The following CRYL1 variants were observed in gnomAD, a reference collection of about 807,000 sequenced individuals.
CRYL1 encodes lambda-crystallin homolog.
In CRYL1, 29 loss-of-function variants were observed where a neutral mutation model predicts 36.6. The ratio of observed to expected loss-of-function variants is 0.79; its 90% CI spans 0.59 to 1.08. CRYL1 has a LOEUF of 1.08. Among genes scored for constraint, CRYL1 ranks in the 50% least tolerant of loss-of-function variants. CRYL1 has a pLI of 0.00. For synonymous variants in CRYL1, 152 were observed against 151.5 expected, an observed-to-expected ratio of 1.00 and a Z score of -0.02; for missense variants, 411 against 407.9, an observed-to-expected ratio of 1.01 and a Z score of -0.06.
intron 3 of CRYL1, among the ~76,000 whole-genome samples, chr13:20,473,968 C>T (rs2033112927): frequency 6.6e-6 from 1 of 152,106 alleles, no homozygotes; most frequent in Non-Finnish European, 1.5e-5. Flanking sequence ...TTGAGGGTCA[C>T]CCACATGGCT....
At chr13:20,496,912 T>A (rs1051942869) in intron 2 of CRYL1, among the ~76,000 whole-genome samples, 32 of 150,210 alleles carry the variant, frequency 2.1e-4, no homozygotes, top group African/African-American at 7.4e-4. Flanking sequence ...GGACAAAATA[T>A]GCTAATTTTT....
At chr13:20,483,925 C>T (rs964575750) in intron 3 of CRYL1, among the ~76,000 whole-genome samples, 2 of 151,986 alleles carry the variant, frequency 1.3e-5, no homozygotes, top group South Asian at 2.1e-4. Context: ...CAAGTGATTC[C>T]CCTGCCTCAG....
intron 1 of CRYL1, among the ~76,000 whole-genome samples, chr13:20,524,093 A>G (rs938946999): frequency 6.6e-6 from 1 of 152,096 alleles, no homozygotes. Flanking sequence ...TCTACCTAAA[A>G]ATTTTAAAAA....
At chr13:20,410,561 C>T (rs915549826) in intron 6 of CRYL1, among the ~76,000 whole-genome samples, 1 of 151,924 alleles carries the variant, frequency 6.6e-6, no homozygotes, top group Non-Finnish European at 1.5e-5. Context: ...TAAATAAAAT[C>T]CTAATCTGTA....
intron 4 of CRYL1, among the ~76,000 whole-genome samples, chr13:20,437,638 G>A (rs2032260329): frequency 6.6e-6 from 1 of 152,064 alleles, no homozygotes; most frequent in Admixed American, 6.5e-5. Context: ...AGCAATAGTG[G>A]GATGGAAAAA....
chr13:20,506,094 A>C (rs1358734106), intron 2 of CRYL1, among the ~76,000 whole-genome samples: 5 of 152,200 alleles, frequency 3.3e-5, no homozygotes, highest in Non-Finnish European at 7.4e-5. Context: ...AAAGTCACTC[A>C]AGACTAAGAA....
Position 20,415,287 on chromosome 13 carries a change from GCCTGGGC to G in CRYL1, c.634-1907_634-1901del, listed in dbSNP as rs1020428632. Among the ~76,000 whole-genome samples, 51 of 152,262 alleles carry G rather than the reference GCCTGGGC, an allele frequency of 3.3e-4. No homozygotes were observed. Among genetic ancestry groups the G allele is most frequent in the African/African-American group, 1.2e-3 (48 of 41,570 alleles). ...CTCTGCCCTGCTGCGAGCCTGGGGC[GCCTGGGC>G]CTGGCCTCGAGGTTCCTGGGCCTCC... On this transcript the variant is annotated intron_variant, in intron 5 of 7. Coordinates refer to ENST00000298248, the MANE Select transcript of CRYL1 (RefSeq NM_015974.3). The surrounding 1 kb of genome is among the most constrained non-coding windows in gnomAD (Gnocchi z 4.1).
chr13:20,478,021 G>T (rs2033201764), intron 3 of CRYL1, among the ~76,000 whole-genome samples: 1 of 149,208 alleles, frequency 6.7e-6, no homozygotes. Flanking sequence ...GCTCCATGGT[G>T]TATTCTGTGT....
chr13:20,493,518 G>C (rs2033550581), intron 2 of CRYL1, among the ~76,000 whole-genome samples: 1 of 152,160 alleles, frequency 6.6e-6, no homozygotes, highest in Admixed American at 6.5e-5. Context: ...AAATTAGCCA[G>C]GTGAGGCTGC....
rs945199227 is a variant in CRYL1 at position 20,525,483 on chromosome 13, T to A, written c.41+271A>T. Reference sequence around the variant, plus strand: ...TCCAGGAACCGCAGGCCCCGCGGCCTGGGCGGTCAACCTCGGAACCTCCTG... The same window carrying A: ...TCCAGGAACCGCAGGCCCCGCGGCCAGGGCGGTCAACCTCGGAACCTCCTG... On this transcript the variant is annotated intron_variant, in intron 1 of 7. Coordinates refer to ENST00000298248, the MANE Select transcript of CRYL1 (RefSeq NM_015974.3). The surrounding 1 kb of genome is among the most constrained non-coding windows in gnomAD (Gnocchi z 4.3). Among the ~76,000 whole-genome samples the A allele has an allele frequency of 2.6e-5, 4 of 152,134 alleles. No individual in the cohort carries two copies. Among genetic ancestry groups the A allele is most frequent in the Non-Finnish European group, 5.9e-5 (4 of 68,016 alleles).
chr13:20,427,031 C>G, intron 5 of CRYL1: 1 of 985,524 alleles, frequency 1.0e-6, no homozygotes, highest in Non-Finnish European at 1.2e-6. Flanking sequence ...GATTCATTCC[C>G]AGGCACCTCC....
intron 3 of CRYL1, among the ~76,000 whole-genome samples, chr13:20,457,260 C>T (rs759774276): frequency 5.3e-5 from 8 of 152,132 alleles, no homozygotes; most frequent in Non-Finnish European, 1.0e-4. Flanking sequence ...CTGTTTAGAA[C>T]ACTAAAGTTA....
chr13:20,457,609 A>G (rs1443631066), intron 3 of CRYL1, among the ~76,000 whole-genome samples: 5 of 152,218 alleles, frequency 3.3e-5, no homozygotes, highest in Non-Finnish European at 5.9e-5. Context: ...TATCTCAGAA[A>G]AACAATACGA....
intron 5 of CRYL1, among the ~76,000 whole-genome samples, chr13:20,421,169 T>A (rs1312635139): frequency 2.0e-5 from 3 of 152,164 alleles, no homozygotes; most frequent in African/African-American, 7.2e-5. Context: ...GCACTTTTTC[T>A]TAGAACACTG....
intron 3 of CRYL1, among the ~76,000 whole-genome samples, chr13:20,443,868 G>A (rs1370991086): frequency 6.6e-6 from 1 of 152,206 alleles, no homozygotes; most frequent in Non-Finnish European, 1.5e-5. Context: ...AAGAGGAAAA[G>A]ACATGGTAAG....
Position 20,439,686 on chromosome 13 carries a change from A to C in CRYL1, c.345T>G (p.Asp115Glu), listed in dbSNP as rs1196702163. The C allele has an allele frequency of 5.0e-6, 8 of 1,614,018 alleles. No homozygotes were observed. The South Asian group carries it at 8.8e-5, about 18-fold the overall frequency. ...IFAQLDSIIDDRVILSSSTSC... is the reference protein window; with the variant it reads ...IFAQLDSIIDERVILSSSTSC... ...AAGTGGAACTGCTTAAGATCACTCGATCATCAATGATGGAATCTAACTGAG... is the reference window on the plus strand; with the variant it reads ...AAGTGGAACTGCTTAAGATCACTCGCTCATCAATGATGGAATCTAACTGAG... The change falls in exon 4 of 8, where the codon GAT becomes GAG. Residue 115 changes from aspartate to glutamate, a missense_variant. By Grantham distance (45) the Asp-to-Glu change is conservative. Transcript: ENST00000298248.
intron 1 of CRYL1, among the ~76,000 whole-genome samples, chr13:20,524,075 A>AC (rs2034143678): frequency 1.3e-5 from 2 of 152,178 alleles, no homozygotes; most frequent in Non-Finnish European, 2.9e-5. Flanking sequence ...AGATGGTGAG[A>AC]CCCCATCTCT....
At chr13:20,419,107 A>G (rs2031741196) in intron 5 of CRYL1, 1 of 152,204 alleles carries the variant, frequency 6.6e-6, no homozygotes, top group African/African-American at 2.4e-5. Flanking sequence ...AGGATGGAAC[A>G]AAGTTAAATC....
chr13:20,471,123 G>C (rs2033049635), intron 3 of CRYL1, among the ~76,000 whole-genome samples: 1 of 152,044 alleles, frequency 6.6e-6, no homozygotes, highest in Non-Finnish European at 1.5e-5. Context: ...TGCAGTACGG[G>C]GGTGGTTGTG....
Sources: allele counts gnomAD v4.1 joint callset (sites outside exome capture counted in the v4.1 genomes callset), GRCh38; gene constraint gnomAD v4.1.1; non-coding constraint Gnocchi (gnomAD v3.1); transcripts MANE v1.5; gene names NCBI Gene and HGNC (gene_info 2026-07-23, HGNC 2026-07-21).